IFNGR2: variants seen among roughly 807,000 people sequenced by gnomAD.
IFNGR2 encodes interferon gamma receptor 2, also known as IFN-gamma receptor 2.
Under a neutral mutation model 41.1 loss-of-function variants are expected in IFNGR2, and 15 were observed. The ratio of observed to expected loss-of-function variants is 0.37; its 90% confidence interval spans 0.24 to 0.56. IFNGR2 has a LOEUF of 0.56. Among genes scored for constraint, IFNGR2 ranks in the 20% least tolerant of loss-of-function variants. The pLI is 0.81. For synonymous variants in IFNGR2, 161 were observed against 171.6 expected (o/e 0.94, Z 0.48); for missense variants, 362 against 415.7 (o/e 0.87, Z 1.12).
intron 1 of IFNGR2, among the ~76,000 whole-genome samples, chr21:33,407,676 A>C (rs2083685933): frequency 6.6e-6 from 1 of 152,054 alleles, no homozygotes; most frequent in Non-Finnish European, 1.5e-5. Context: ...GCTCACTGCA[A>C]CCTCTATCTC....
chr21:33,427,060 ATTTTC>A (rs771387730), intron 4 of IFNGR2, 28 bp downstream of exon 4: 4 of 1,600,604 alleles, frequency 2.5e-6, no homozygotes, highest in Non-Finnish European at 3.4e-6. Context: ...TTTTGTTTGG[ATTTTC>A]TTTTCTTTGC....
At chr21:33,416,925 C>CTTTTT (rs554788768) in intron 2 of IFNGR2, among the ~76,000 whole-genome samples, 4 of 128,252 alleles carry the variant, frequency 3.1e-5, no homozygotes, top group Admixed American at 7.8e-5. Context: ...TTTTCTTTTT[C>CTTTTT]TTTTTTTTTT....
chr21:33,415,074 G>T, intron 2 of IFNGR2, 54 bp downstream of exon 2: 2 of 1,605,020 alleles, frequency 1.2e-6, no homozygotes, highest in South Asian at 2.2e-5. Flanking sequence ...GCATCGTGCG[G>T]AACCCTGGGG....
chr21:33,422,100 ATC>A (rs1568957083), intron 3 of IFNGR2, among the ~76,000 whole-genome samples: 1 of 152,252 alleles, frequency 6.6e-6, no homozygotes, highest in Non-Finnish European at 1.5e-5. Flanking sequence ...ATGCTAGCAT[ATC>A]TCTCTGATCA....
rs775466154 is a variant in IFNGR2 at position 33,427,039 on chromosome 21, G to C, written c.561+7G>C. 2 of 1,609,858 alleles carry C rather than the reference G, an allele frequency of 1.2e-6. No individual in the cohort carries two copies. The highest frequency in any genetic ancestry group is 1.7e-6 in the Non-Finnish European group (2 of 1,176,942). ...AAAAGGAGGAATCCAACAGGCAAGAGCATCTTTCTTTTTTGTTTGGATTTT... is the reference window on the plus strand; with the variant it reads ...AAAAGGAGGAATCCAACAGGCAAGACCATCTTTCTTTTTTGTTTGGATTTT... On this transcript the variant is annotated splice_region_variant and intron_variant, in intron 4 of 6. Transcript: ENST00000290219.
At chr21:33,418,132 C>T (rs1277436599) in intron 2 of IFNGR2, among the ~76,000 whole-genome samples, 1 of 152,136 alleles carries the variant, frequency 6.6e-6, no homozygotes. Flanking sequence ...CTGCGGCTCA[C>T]TGCAGCCTCC....
chr21:33,426,130 T>C (rs2083833541), intron 3 of IFNGR2, among the ~76,000 whole-genome samples: 1 of 49,638 alleles, frequency 2.0e-5, no homozygotes, highest in African/African-American at 8.9e-5. Context: ...TGTTTAAATA[T>C]AGTATGGGCA....
chr21:33,411,571 TGTGA>T (rs1486782910), intron 1 of IFNGR2: 5 of 468,302 alleles, frequency 1.1e-5, no homozygotes, highest in Admixed American at 4.7e-5. Context: ...ACTCCGCAGA[TGTGA>T]GTAAGTTAAG....
intron 3 of IFNGR2, among the ~76,000 whole-genome samples, chr21:33,424,396 G>C (rs1315841027): frequency 2.0e-5 from 3 of 152,186 alleles, no homozygotes; most frequent in African/African-American, 7.2e-5. Flanking sequence ...TCCGGTGCCA[G>C]CCAGCTGCCG....
rs121913192 is a variant in IFNGR2 at position 33,410,951 on chromosome 21, C to T, written c.74-3937C>T. 96 of 1,145,854 alleles carry T rather than the reference C, an allele frequency of 8.4e-5. No individual in the cohort carries two copies. The highest frequency in any genetic ancestry group is 2.4e-4 in the South Asian group (18 of 75,974). 71.0% of individuals were successfully genotyped at this position (1,145,854 alleles called of 1,614,324 possible). A position where few individuals can be genotyped will look rare whatever the true frequency, so the allele number is the denominator to read the frequency against. On this transcript the variant is annotated intron_variant, in intron 1 of 6. Coordinates refer to ENST00000290219, the MANE Select transcript of IFNGR2 (RefSeq NM_005534.4). The stretch of plus-strand genomic sequence containing the variant: ...AAACCTGCATCTCACAACCACTGCT[C>T]CTTCTCCCCAGCCTTCCAGCCCTGG...
intron 1 of IFNGR2, among the ~76,000 whole-genome samples, chr21:33,410,316 A>T (rs1277918324): frequency 1.3e-5 from 2 of 151,792 alleles, no homozygotes; most frequent in Non-Finnish European, 2.9e-5. Flanking sequence ...ACAGGCACCC[A>T]CCACCATGCC....
chr21:33,403,456 T>A lies in IFNGR2; in HGVS notation c.-88T>A. The A allele has an allele frequency of 1.2e-6, 1 of 822,434 alleles. No individual in the cohort carries two copies. The highest frequency in any genetic ancestry group is 1.5e-6 in the Non-Finnish European group (1 of 657,706). 50.9% of individuals were successfully genotyped at this position (822,434 alleles called of 1,614,324 possible). A position where few individuals can be genotyped will look rare whatever the true frequency, so the allele number is the denominator to read the frequency against. On this transcript the variant is annotated 5_prime_UTR_variant, in exon 1 of 7. It removes an upstream start codon present in the reference 5' UTR. Coordinates refer to ENST00000290219, the MANE Select transcript of IFNGR2 (RefSeq NM_005534.4). Reference sequence around the variant, plus strand: ...GGCCCTGCGCGCCCTGCGCTCGCCATGGCGGTTTGGGCGGCGACGTGAGCG... The same window carrying A: ...GGCCCTGCGCGCCCTGCGCTCGCCAAGGCGGTTTGGGCGGCGACGTGAGCG...
chr21:33,405,905 C>T (rs2083674255), intron 1 of IFNGR2, among the ~76,000 whole-genome samples: 1 of 151,990 alleles, frequency 6.6e-6, no homozygotes, highest in Non-Finnish European at 1.5e-5. Flanking sequence ...ATGGTACACA[C>T]CTGTGTCCCA....
intron 1 of IFNGR2, among the ~76,000 whole-genome samples, chr21:33,409,036 G>A (rs1390514816): frequency 6.6e-6 from 1 of 151,980 alleles, no homozygotes; most frequent in Admixed American, 6.6e-5. Context: ...AATTAGCTGG[G>A]CACAGTGGCG....
intron 1 of IFNGR2, among the ~76,000 whole-genome samples, chr21:33,407,978 CT>C (rs1220095085): frequency 1.3e-5 from 2 of 151,614 alleles, no homozygotes; most frequent in Non-Finnish European, 2.9e-5. Context: ...CAGAAAATGC[CT>C]TTTTATTTCT....
chr21:33,407,672 T>G (rs772702776), intron 1 of IFNGR2, among the ~76,000 whole-genome samples: 46 of 152,238 alleles, frequency 3.0e-4, no homozygotes, highest in Non-Finnish European at 5.1e-4. Context: ...CTCGGCTCAC[T>G]GCAACCTCTA....
intron 4 of IFNGR2, among the ~76,000 whole-genome samples, chr21:33,429,361 C>T (rs1456309686): frequency 6.6e-6 from 1 of 151,502 alleles, no homozygotes; most frequent in African/African-American, 2.4e-5. Context: ...CGTTTTGAGA[C>T]AGAATTTCAC....
chr21:33,405,888 G>A (rs1245776324), intron 1 of IFNGR2, among the ~76,000 whole-genome samples: 1 of 151,756 alleles, frequency 6.6e-6, no homozygotes, highest in Non-Finnish European at 1.5e-5. Flanking sequence ...AAAAATTAGG[G>A]GGCGTGATGG....
At chr21:33,423,002 A>T (rs1466107656) in intron 3 of IFNGR2, among the ~76,000 whole-genome samples, 1 of 149,648 alleles carries the variant, frequency 6.7e-6, no homozygotes, top group Non-Finnish European at 1.5e-5. Flanking sequence ...TTGGGTAATT[A>T]GTACATGAGT....
Sources: gnomAD v4.1 joint callset for allele counts (sites outside exome capture counted in the v4.1 genomes callset) on GRCh38, gnomAD v4.1.1 for gene constraint, MANE v1.5 for transcripts, NCBI Gene and HGNC (gene_info 2026-07-23, HGNC 2026-07-21) for gene names.